Variants in DHRS7 observed in about 807,000 individuals in gnomAD.
The protein encoded by DHRS7 is dehydrogenase/reductase 7.
Under a neutral mutation model 38.9 loss-of-function variants are expected in DHRS7, and 34 were observed. The ratio of observed to expected loss-of-function variants is 0.87; its 90% CI spans 0.66 to 1.16. DHRS7 has a LOEUF of 1.16. Ranked by LOEUF, DHRS7 falls within the 50% of genes most tolerant of loss-of-function variation. The probability of loss-of-function intolerance (pLI) is 0.00; values close to 1 mark genes in which losing one functional copy is unlikely to be tolerated. For missense variants in DHRS7, 421 were observed against 407.0 expected (o/e 1.03, Z -0.30); for synonymous variants, 158 against 153.1 (o/e 1.03, Z -0.24).
chr14:60,154,011 T>C lies in DHRS7; in HGVS notation c.341A>G (p.Asp114Gly). 3 of 1,614,106 alleles carry C rather than the reference T, an allele frequency of 1.9e-6. No homozygotes were observed. The highest frequency in any genetic ancestry group is 2.5e-6 in the Non-Finnish European group (3 of 1,179,968). Residue 114 changes from aspartate (D) to glycine (G), a missense_variant, in exon 3 of 7, where the codon GAC becomes GGC. Transcript: ENST00000557185. ...GGTAGCCGCTTCATGGGAACCAGTG[T>C]CGGTCAGGTCAAGGGGCAAAACAAG... ...DILVLPLDLT[D>G]TGSHEAATKA...
rs376945245 is a variant in DHRS7 at position 60,150,194 on chromosome 14, G to GGCAAAA, written c.634-8_634-7insTTTTGC. The GGCAAAA allele has an allele frequency of 5.7e-5, 64 of 1,120,984 alleles. No homozygotes were observed. In the African/African-American group the frequency reaches 7.5e-4, roughly 13 times the overall value. 69.4% of individuals were successfully genotyped at this position (1,120,984 alleles called of 1,614,324 possible). ...GAAGGCCATTAAAAAAACCCTAACA[G>GGCAAAA]ACAAAAAAAAAAAAAAAGGAAAAAG... On this transcript the variant is annotated splice_polypyrimidine_tract_variant and splice_region_variant and intron_variant, in intron 4 of 6. Transcript: ENST00000557185.
At position 60,153,177 on chromosome 14, in the gene DHRS7, A is replaced by G. The variant is rs756537246; in HGVS notation, c.395T>C (p.Ile132Thr). Reference protein sequence around the residue: ...TKAVLQEFGRIDILVNNGGMS... With the variant: ...TKAVLQEFGRTDILVNNGGMS... ...TCCACCATTGTTGACCAGAATGTCGATCTAGTTAAATAAAATCAGAAAAGG... is the reference window on the plus strand; with the variant it reads ...TCCACCATTGTTGACCAGAATGTCGGTCTAGTTAAATAAAATCAGAAAAGG... Residue 132 changes from isoleucine (I) to threonine (T), a missense_variant and splice_region_variant, in exon 4 of 7, where the codon ATC becomes ACC. Physicochemically the swap from Ile to Thr is moderately conservative, Grantham distance 89. Transcript: ENST00000557185. The surrounding 1 kb of genome is among the most constrained non-coding windows in gnomAD (Gnocchi z 4.4). The G allele has an allele frequency of 1.9e-6, 3 of 1,613,990 alleles. No homozygotes were observed. The highest frequency in any genetic ancestry group is 2.5e-6 in the Non-Finnish European group (3 of 1,179,976).
At chr14:60,160,192 G>T (rs911677220) in intron 1 of DHRS7, among the ~76,000 whole-genome samples, 208 of 152,142 alleles carry the variant, frequency 1.4e-3, no homozygotes, top group African/African-American at 4.6e-3. Context: ...TGGGCGTGGT[G>T]GTGGGTGCCT....
At chr14:60,147,321 G>A (rs1054389768) in intron 6 of DHRS7, 5 of 152,080 alleles carry the variant, frequency 3.3e-5, no homozygotes, top group South Asian at 2.1e-4. Context: ...CTAATATACC[G>A]CATGGTGACT....
intron 4 of DHRS7, chr14:60,152,695 G>C: frequency 1.9e-6 from 1 of 514,900 alleles, no homozygotes; most frequent in South Asian, 2.5e-5. Context: ...ATATCCCCAG[G>C]GTCTGTTGTA....
At position 60,145,071 on chromosome 14, in the gene DHRS7, A is replaced by G; in HGVS notation, c.973-58T>C. On this transcript the variant is annotated intron_variant, in intron 6 of 6. Coordinates refer to ENST00000557185, the MANE Select transcript of DHRS7 (RefSeq NM_016029.4). This position sits in a 1 kb window ranked among gnomAD's most constrained non-coding sequence, Gnocchi z 4.0. ...CCTACTCCTATTTACTCCAGTTTTT[A>G]ACATTTAAGTCCTTCTGTTTTGAGG... 8.2e-7 allele frequency: 1 copy of G among 1,218,380 alleles called. No homozygotes were observed. Among genetic ancestry groups the G allele is most frequent in the South Asian group, 1.9e-5 (1 of 52,976 alleles). 75.5% of individuals were successfully genotyped at this position (1,218,380 alleles called of 1,614,324 possible).
chr14:60,169,157 A>AAAAAAAAAAAAAAAAAAAAAAAAAAAAC (rs1566539386), upstream of DHRS7: 3 of 150,122 alleles, frequency 2.0e-5, no homozygotes, highest in East Asian at 4.4e-4. Context: ...AAAAAAAAAA[A>AAAAAAAAAAAAAAAAAAAAAAAAAAAAC]AAAACCATTG....
intron 4 of DHRS7, among the ~76,000 whole-genome samples, chr14:60,150,582 T>C (rs1896523346): frequency 1.3e-5 from 2 of 152,200 alleles, no homozygotes. Flanking sequence ...TTTTTTGTCC[T>C]TGCAATAGTT....
upstream of DHRS7, among the ~76,000 whole-genome samples, chr14:60,167,533 G>A (rs1231485489): frequency 6.6e-6 from 1 of 152,236 alleles, no homozygotes; most frequent in Non-Finnish European, 1.5e-5. Flanking sequence ...GCCCATTCAT[G>A]GCAGCTAAGG....
At position 60,150,142 on chromosome 14, in the gene DHRS7, T is replaced by C. The variant is rs377160812; in HGVS notation, c.679A>G (p.Ile227Val). ...LRTELATYPG[I>V]IVSNICPGPV... ...CCTGGGCAAATGTTAGAAACTATTA[T>C]ACCTGGGTATGTGGCAAGTTCTGTT... is the stretch of plus-strand genomic sequence containing the variant. Residue 227 changes from isoleucine (I) to valine (V), a missense_variant, in exon 5 of 7, where the codon ATA (isoleucine) becomes GTA (valine). Coordinates refer to ENST00000557185, the MANE Select transcript of DHRS7 (RefSeq NM_016029.4). The C allele has an allele frequency of 2.3e-5, 36 of 1,596,960 alleles. No individual in the cohort carries two copies. Among genetic ancestry groups the C allele is most frequent in the Non-Finnish European group, 2.8e-5 (33 of 1,174,788 alleles).
rs1896406979 is a variant in DHRS7, at chr14:60,146,379, C to G, written c.973-1366G>C. 6.6e-6 allele frequency: 1 copy of G among 151,840 alleles called. No individual in the cohort carries two copies. The highest frequency in any genetic ancestry group is 1.5e-5 in the Non-Finnish European group (1 of 67,954). 9.4% of individuals were successfully genotyped at this position (151,840 alleles called of 1,614,324 possible). The stretch of plus-strand genomic sequence containing the variant: ...TCTCTAGTCCCTGGTCCCTCTTTCC[C>G]CTTTGAAAAAAAAATCACTTCTATA... On this transcript the variant is annotated intron_variant, in intron 6 of 6. Transcript: ENST00000557185. The surrounding 1 kb of genome is among the most constrained non-coding windows in gnomAD (Gnocchi z 4.9).
chr14:60,153,935 A>G lies in DHRS7; in HGVS notation c.393+24T>C, dbSNP rs900697846. On this transcript the variant is annotated intron_variant, in intron 3 of 6. Transcript: ENST00000557185. This position sits in a 1 kb window ranked among gnomAD's most constrained non-coding sequence, Gnocchi z 4.4. ...TCTGCAGTTACTTCAAAGCAAGACTATATCAATATAAGATGCTACTTACTC... is the reference window on the plus strand; with the variant it reads ...TCTGCAGTTACTTCAAAGCAAGACTGTATCAATATAAGATGCTACTTACTC... 3 of 1,590,704 alleles carry G rather than the reference A, an allele frequency of 1.9e-6. No homozygotes were observed. The highest frequency in any genetic ancestry group is 1.1e-5 in the South Asian group (1 of 90,600).
chr14:60,146,993 G>A lies in DHRS7; in HGVS notation c.973-1980C>T, dbSNP rs1896422172. 1 of 152,278 alleles carries A rather than the reference G, an allele frequency of 6.6e-6. No homozygotes were observed. The highest frequency in any genetic ancestry group is 2.1e-4 in the South Asian group (1 of 4,826). 9.4% of individuals were successfully genotyped at this position (152,278 alleles called of 1,614,324 possible). On this transcript the variant is annotated intron_variant, in intron 6 of 6. Coordinates refer to ENST00000557185, the MANE Select transcript of DHRS7 (RefSeq NM_016029.4). The surrounding 1 kb of genome is among the most constrained non-coding windows in gnomAD (Gnocchi z 4.9). ...CACACCTATGATCCCAACACTTTGG[G>A]AGGCCAAGGTAGGTGGATCGCCTGA...
upstream of DHRS7, among the ~76,000 whole-genome samples, chr14:60,166,898 G>A (rs1334738547): frequency 6.7e-6 from 1 of 149,510 alleles, no homozygotes; most frequent in Non-Finnish European, 1.5e-5. Context: ...AGCCCACGTT[G>A]ATTGAATTCT....
At position 60,155,176 on chromosome 14, in the gene DHRS7, C is replaced by T. The variant is rs115948182; in HGVS notation, c.286+824G>A. Among the ~76,000 whole-genome samples, 1,306 of 152,168 alleles carry T rather than the reference C, an allele frequency of 8.6e-3. 15 individuals are homozygous for T. The highest frequency in any genetic ancestry group is 0.03 in the African/African-American group (1,230 of 41,496). Reference sequence around the variant, plus strand: ...TCAATGTGAACATAATGGCTGGGTGCGGTGGCTCACACCTGTAATCCCAGC... The same window carrying T: ...TCAATGTGAACATAATGGCTGGGTGTGGTGGCTCACACCTGTAATCCCAGC... On this transcript the variant is annotated intron_variant, in intron 2 of 6. Transcript: ENST00000557185.
intron 1 of DHRS7, among the ~76,000 whole-genome samples, chr14:60,157,172 G>A (rs568888224): frequency 2.3e-4 from 35 of 152,318 alleles, no homozygotes; most frequent in South Asian, 6.2e-4. Context: ...GATGTTAACA[G>A]TACCATCCCT....
At chr14:60,156,587 A>G (rs550492703) in intron 1 of DHRS7, among the ~76,000 whole-genome samples, 3 of 152,238 alleles carry the variant, frequency 2.0e-5, no homozygotes, top group Non-Finnish European at 4.4e-5. Flanking sequence ...TGATGGCTGA[A>G]GGTCACATCC....
At position 60,156,171 on chromosome 14, in the gene DHRS7, TGGAA is replaced by T; in HGVS notation, c.134-23_134-20del. 1 of 1,524,604 alleles carries T rather than the reference TGGAA, an allele frequency of 6.6e-7. No homozygotes were observed. The highest frequency in any genetic ancestry group is 8.8e-7 in the Non-Finnish European group (1 of 1,138,870). 94.4% of individuals were successfully genotyped at this position (1,524,604 alleles called of 1,614,324 possible). On this transcript the variant is annotated intron_variant, in intron 1 of 6. Transcript: ENST00000557185. ...TCCCATTCTATGGAAGGAATGTAAA[TGGAA>T]GGAAGAAAATAAGCAATGAATTACG...
intron 1 of DHRS7, 90 bp from the exon 2 acceptor site, chr14:60,156,242 C>A: frequency 1.8e-6 from 2 of 1,141,560 alleles, no homozygotes; most frequent in African/African-American, 1.7e-5. Flanking sequence ...AAGCCTTAAA[C>A]AATACCACTA....
Sources: gnomAD v4.1 joint callset for allele counts (sites outside exome capture counted in the v4.1 genomes callset) on GRCh38, gnomAD v4.1.1 for gene constraint, Gnocchi (gnomAD v3.1) non-coding constraint, MANE v1.5 for transcripts, NCBI Gene and HGNC (gene_info 2026-07-23, HGNC 2026-07-21) for gene names.